The following DDAH1 variants were observed in gnomAD, a reference collection of about 807,000 sequenced individuals.
DDAH1 encodes the protein dimethylarginine dimethylaminohydrolase 1.
Under a neutral mutation model 28.8 loss-of-function variants are expected in DDAH1, and 19 were observed. The observed-to-expected ratio is 0.66, with a 90% CI of 0.46 to 0.97. The LOEUF is 0.97. Ranked by LOEUF, DDAH1 falls within the 50% of genes least tolerant of loss-of-function variation. The probability of loss-of-function intolerance (pLI) is 0.00; values close to 1 mark genes in which losing one functional copy is unlikely to be tolerated. For missense variants in DDAH1, 326 were observed against 375.9 expected, an observed-to-expected ratio of 0.87 and a Z score of 1.10; for synonymous variants, 153 against 154.4, an observed-to-expected ratio of 0.99 and a Z score of 0.07.
At chr1:85,467,525 C>T (rs140207981), upstream of DDAH1, 3 of 152,186 alleles carry the variant, frequency 2.0e-5, no homozygotes, top group Admixed American at 2.0e-4. Context: ...ATTCTGTTAT[C>T]TCGTGCATTA....
intron 1 of DDAH1, among the ~76,000 whole-genome samples, chr1:85,400,899 T>C (rs1652069290): frequency 6.6e-6 from 1 of 152,186 alleles, no homozygotes; most frequent in African/African-American, 2.4e-5. Flanking sequence ...TCTACCTTTA[T>C]TATATATATC....
intron 2 of DDAH1, among the ~76,000 whole-genome samples, chr1:85,491,549 T>C (rs1361862688): frequency 1.3e-5 from 2 of 152,100 alleles, no homozygotes; most frequent in Non-Finnish European, 2.9e-5. Flanking sequence ...ACATCAGAAA[T>C]AGAGAGTATA....
At position 85,411,948 on chromosome 1, in the gene DDAH1, G is replaced by A. The variant is rs571376831; in HGVS notation, c.303+52795C>T. Among the ~76,000 whole-genome samples, 15 of 152,238 alleles carry A rather than the reference G, an allele frequency of 9.9e-5. No individual in the cohort carries two copies. In the East Asian group the frequency reaches 2.9e-3, roughly 29 times the overall value. On this transcript the variant is annotated intron_variant, in intron 1 of 5. Coordinates refer to ENST00000284031, the MANE Select transcript of DDAH1 (RefSeq NM_012137.4). Reference sequence around the variant, plus strand: ...AAAAGCAGAACCTCCAATCTACCAAGGCCTGCAGGAATTTTCTCCACTGAT... The same window carrying A: ...AAAAGCAGAACCTCCAATCTACCAAAGCCTGCAGGAATTTTCTCCACTGAT...
chr1:85,475,874 C>T (rs1320500574), intron 2 of DDAH1, among the ~76,000 whole-genome samples: 1 of 152,098 alleles, frequency 6.6e-6, no homozygotes, highest in East Asian at 1.9e-4. Context: ...TTTTTCGAGA[C>T]ATGGTCTCAC....
intron 1 of DDAH1, among the ~76,000 whole-genome samples, chr1:85,513,752 A>C (rs941502677): frequency 2.6e-5 from 4 of 152,248 alleles, no homozygotes; most frequent in African/African-American, 7.2e-5. Flanking sequence ...ACATGAAAAA[A>C]TGCTCATCAT....
In DDAH1 at chr1:85,379,570, G is replaced by A. The variant is rs536721627; in HGVS notation, c.304-20723C>T. Reference sequence around the variant, plus strand: ...TTCTACAGAAAGGAAACTGAGGCACGGAACACTTACATAACTTGTGAAAGA... The same window carrying A: ...TTCTACAGAAAGGAAACTGAGGCACAGAACACTTACATAACTTGTGAAAGA... On this transcript the variant is annotated intron_variant, in intron 1 of 5. Transcript: ENST00000284031. 1.3e-5 allele frequency: 13 copies of A among 983,118 alleles called. No homozygotes were observed. In the African/African-American group the frequency reaches 1.4e-4, roughly 11 times the overall value. 60.9% of individuals were successfully genotyped at this position (983,118 alleles called of 1,614,324 possible). A position where few individuals can be genotyped will look rare whatever the true frequency, so the allele number is the denominator to read the frequency against.
chr1:85,400,635 TG>T (rs1386276143), intron 1 of DDAH1, among the ~76,000 whole-genome samples: 1 of 152,214 alleles, frequency 6.6e-6, no homozygotes, highest in Non-Finnish European at 1.5e-5. Context: ...ACTGTCCACA[TG>T]GGATCCCCAG....
chr1:85,578,132 G>A (rs1172159999), exon 1 of DDAH1: 1 of 333,824 alleles, frequency 3.0e-6, no homozygotes, highest in African/African-American at 2.2e-5. Flanking sequence ...CTTGCCTAAT[G>A]TCGTCGATTA....
chr1:85,381,003 A>C (rs1264607387), intron 1 of DDAH1, among the ~76,000 whole-genome samples: 2 of 151,392 alleles, frequency 1.3e-5, no homozygotes, highest in Non-Finnish European at 2.9e-5. Context: ...TTGGGAGGCC[A>C]AGACAGGTGG....
chr1:85,456,268 A>G (rs1210519462), intron 1 of DDAH1, among the ~76,000 whole-genome samples: 1 of 152,254 alleles, frequency 6.6e-6, no homozygotes, highest in East Asian at 1.9e-4. Flanking sequence ...TTGAGATTCA[A>G]TGGTGACTAA....
At chr1:85,448,266 G>A (rs1654525142) in intron 1 of DDAH1, 1 of 153,118 alleles carries the variant, frequency 6.5e-6, no homozygotes, top group Non-Finnish European at 1.5e-5. Flanking sequence ...GAACACCAAG[G>A]TCTATTACTT....
At chr1:85,431,526 T>C (rs141481721) in intron 1 of DDAH1, among the ~76,000 whole-genome samples, 11 of 152,098 alleles carry the variant, frequency 7.2e-5, no homozygotes, top group East Asian at 5.8e-4. Context: ...AGAAAACCTA[T>C]GGTCCCTCTC....
At chr1:85,391,764 A>C (rs2100555874) in intron 1 of DDAH1, among the ~76,000 whole-genome samples, 1 of 152,364 alleles carries the variant, frequency 6.6e-6, no homozygotes, top group South Asian at 2.1e-4. Context: ...TTTCTTTAAT[A>C]AATGGCTGAA....
chr1:85,427,362 T>A (rs1653456672), intron 1 of DDAH1, among the ~76,000 whole-genome samples: 3 of 152,076 alleles, frequency 2.0e-5, no homozygotes, highest in Admixed American at 2.0e-4. Context: ...ATCTGTTCAT[T>A]TTCTGAAATT....
chr1:85,553,425 C>T (rs975589406), intron 1 of DDAH1, among the ~76,000 whole-genome samples: 1 of 152,216 alleles, frequency 6.6e-6, no homozygotes, highest in Non-Finnish European at 1.5e-5. Flanking sequence ...AATCACTGTT[C>T]AAGATTAAAA....
intron 1 of DDAH1, among the ~76,000 whole-genome samples, chr1:85,570,654 A>C (rs1467806356): frequency 1.3e-5 from 2 of 152,244 alleles, no homozygotes; most frequent in Admixed American, 1.3e-4. Flanking sequence ...CCCAGTGCCT[A>C]GCAAAGAAGC....
rs1050584102 is a variant in DDAH1, at chr1:85,404,288, A to G, written c.304-45441T>C. The G allele has an allele frequency of 5.5e-6, 7 of 1,283,478 alleles. No individual in the cohort carries two copies. The African/African-American group carries it at 8.8e-5, about 16-fold the overall frequency. 79.5% of individuals were successfully genotyped at this position (1,283,478 alleles called of 1,614,324 possible). On this transcript the variant is annotated intron_variant, in intron 1 of 5. Coordinates refer to ENST00000284031, the MANE Select transcript of DDAH1 (RefSeq NM_012137.4). ...AGATGCCACCAGTTCATATTGACCC[A>G]TTATACATGAAACTTCTGCCTGTAG...
At chr1:85,443,885 A>T (rs1407378408) in intron 1 of DDAH1, among the ~76,000 whole-genome samples, 1 of 152,176 alleles carries the variant, frequency 6.6e-6, no homozygotes, top group African/African-American at 2.4e-5. Flanking sequence ...ACTTTGCTGA[A>T]GTTGCCTATC....
intron 2 of DDAH1, among the ~76,000 whole-genome samples, chr1:85,484,048 G>A (rs1656107788): frequency 6.6e-6 from 1 of 152,070 alleles, no homozygotes; most frequent in South Asian, 2.1e-4. Flanking sequence ...AAGTATGTGG[G>A]TCATCTAGGT....
Sources: gnomAD v4.1 joint callset for allele counts (sites outside exome capture counted in the v4.1 genomes callset) on GRCh38, gnomAD v4.1.1 for gene constraint, MANE v1.5 for transcripts, NCBI Gene and HGNC (gene_info 2026-07-23, HGNC 2026-07-21) for gene names.